Variants in BARD1 observed in about 807,000 individuals in gnomAD.
The protein encoded by BARD1 is BRCA1-associated RING domain protein 1.
BARD1 carries 73 observed loss-of-function variants against 77.0 expected under a neutral mutation model. The observed-to-expected ratio is 0.95, with a 90% CI of 0.79 to 1.15. The LOEUF (loss-of-function observed/expected upper bound fraction) is 1.15, where lower values mean the gene tolerates loss of function less well. Ranked by LOEUF, BARD1 falls within the 50% of genes most tolerant of loss-of-function variation. The pLI is 0.00. For synonymous variants in BARD1, 384 were observed against 338.0 expected (o/e 1.14, Z -1.49); for missense variants, 993 against 938.8 (o/e 1.06, Z -0.75).
At chr2:214,733,734 T>C (rs1174913292) in intron 9 of BARD1, among the ~76,000 whole-genome samples, 1 of 152,126 alleles carries the variant, frequency 6.6e-6, no homozygotes, top group African/African-American at 2.4e-5. Flanking sequence ...CAATCCACTA[T>C]CAAATTTAAT....
At chr2:214,732,524 T>C (rs908786891) in intron 9 of BARD1, among the ~76,000 whole-genome samples, 1 of 152,074 alleles carries the variant, frequency 6.6e-6, no homozygotes, top group Non-Finnish European at 1.5e-5. Flanking sequence ...GCCTCCCAAG[T>C]AGCTGGGACT....
chr2:214,739,016 G>C (rs895485549), intron 9 of BARD1, among the ~76,000 whole-genome samples: 2 of 152,086 alleles, frequency 1.3e-5, no homozygotes, highest in Admixed American at 6.5e-5. Flanking sequence ...AGGCATGGTG[G>C]TGAGTGCCTG....
chr2:214,774,170 C>A (rs1694640873), intron 4 of BARD1, among the ~76,000 whole-genome samples: 1 of 152,164 alleles, frequency 6.6e-6, no homozygotes, highest in Non-Finnish European at 1.5e-5. Context: ...TTACTTTCTC[C>A]ACTTAAGTTC....
At chr2:214,773,586 T>C (rs1472572730) in intron 4 of BARD1, among the ~76,000 whole-genome samples, 7 of 152,194 alleles carry the variant, frequency 4.6e-5, no homozygotes, top group Non-Finnish European at 7.3e-5. Context: ...ATAAAAGTTA[T>C]ATGTGCACTA....
intron 4 of BARD1, among the ~76,000 whole-genome samples, chr2:214,772,460 AT>A (rs1172125882): frequency 2.0e-5 from 3 of 152,334 alleles, no homozygotes; most frequent in South Asian, 2.1e-4. Flanking sequence ...CAAAAAAAAA[AT>A]ATTAAAGAAG....
intron 1 of BARD1, among the ~76,000 whole-genome samples, chr2:214,806,876 GAAAA>G (rs10636746): frequency 7.5e-6 from 1 of 133,618 alleles, no homozygotes; most frequent in Non-Finnish European, 1.5e-5. Context: ...TTTGCCTAGG[GAAAA>G]AAAAAAAAAA....
intron 4 of BARD1, among the ~76,000 whole-genome samples, chr2:214,771,259 G>A (rs376883660): frequency 6.6e-4 from 101 of 152,164 alleles, no homozygotes; most frequent in African/African-American, 2.4e-3. Context: ...ATAGACAGAA[G>A]TTACATGCAT....
At chr2:214,743,664 A>G (rs1692952677) in intron 9 of BARD1, among the ~76,000 whole-genome samples, 1 of 151,088 alleles carries the variant, frequency 6.6e-6, no homozygotes, top group African/African-American at 2.4e-5. Context: ...GCTCACTGCA[A>G]CCTCCACCTC....
In BARD1 at chr2:214,726,365, A is replaced by ATGAGAATGT; in HGVS notation, c.*2310_*2311insACATTCTCA. 4.9e-6 allele frequency: 1 copy of ATGAGAATGT among 205,876 alleles called. No individual in the cohort carries two copies. The highest frequency in any genetic ancestry group is 9.9e-6 in the Non-Finnish European group (1 of 100,668). 12.8% of individuals were successfully genotyped at this position (205,876 alleles called of 1,614,324 possible). On this transcript the variant is annotated 3_prime_UTR_variant, in exon 11 of 11. Transcript: ENST00000260947. ...GCCATGAGAATGTGGAAAAGCTACCAGCCTCTCACTTTTAGAGACACAAAG... is the reference window on the plus strand; with the variant it reads ...GCCATGAGAATGTGGAAAAGCTACCATGAGAATGTGCCTCTCACTTTTAGAGACACAAAG...
chr2:214,758,754 A>AT (rs1213855561), intron 6 of BARD1, among the ~76,000 whole-genome samples: 1 of 152,242 alleles, frequency 6.6e-6, no homozygotes, highest in African/African-American at 2.4e-5. Flanking sequence ...CAAAGGCCAC[A>AT]TTCAGGATGC....
At position 214,789,851 on chromosome 2, in the gene BARD1, G is replaced by A. The variant is rs80307708; in HGVS notation, c.364+2446C>T. Reference sequence around the variant, plus strand: ...GTTTAATATAAGTAACGTTGAGGGCGCAGTGCTTAAGTCTGGTAAGGACTA... The same window carrying A: ...GTTTAATATAAGTAACGTTGAGGGCACAGTGCTTAAGTCTGGTAAGGACTA... On this transcript the variant is annotated intron_variant, in intron 3 of 10. Coordinates refer to ENST00000260947, the MANE Select transcript of BARD1 (RefSeq NM_000465.4). 8.9e-3 allele frequency among the ~76,000 whole-genome samples: 1,355 copies of A among 152,104 alleles called. 8 individuals are homozygous for A. The highest frequency in any genetic ancestry group is 0.075 in the Middle Eastern group (22 of 294).
intron 9 of BARD1, among the ~76,000 whole-genome samples, chr2:214,736,823 GT>G (rs2106001884): frequency 6.6e-6 from 1 of 152,194 alleles, no homozygotes; most frequent in South Asian, 2.1e-4. Context: ...TATGTAGTAA[GT>G]TTCTGTAAAG....
rs1574703626 is a variant in BARD1, at chr2:214,728,940, G to T, written c.2070C>A (p.Asn690Lys). Reference sequence around the variant, plus strand: ...CACCTGCAGTGACGAGCTTAATAAGGTTGTCCTTTGGATGGTGTTTGAAGG... The same window carrying T: ...CACCTGCAGTGACGAGCTTAATAAGTTTGTCCTTTGGATGGTGTTTGAAGG... The part of the protein sequence containing the change: ...WGTFKHHPKD[N>K]LIKLVTAGGG... The change falls in exon 11 of 11, where the codon AAC becomes AAA. Residue 690 changes from asparagine (N) to lysine (K), a missense_variant. Transcript: ENST00000260947. 1 of 1,614,158 alleles carries T rather than the reference G, an allele frequency of 6.2e-7. No individual in the cohort carries two copies. The highest frequency in any genetic ancestry group is 8.5e-7 in the Non-Finnish European group (1 of 1,180,022).
chr2:214,786,039 C>T (rs1695260740), intron 3 of BARD1, among the ~76,000 whole-genome samples: 1 of 151,984 alleles, frequency 6.6e-6, no homozygotes, highest in African/African-American at 2.4e-5. Context: ...ACTTTACCTA[C>T]ATTACAGAAC....
chr2:214,747,784 C>CAACAT (rs1053893386), intron 7 of BARD1, among the ~76,000 whole-genome samples: 6 of 149,890 alleles, frequency 4.0e-5, no homozygotes, highest in African/African-American at 1.2e-4. Context: ...TGCAGCACAC[C>CAACAT]AACATGACAC....
At chr2:214,730,554 A>G (rs1692311390) in intron 9 of BARD1, 46 bp from the exon 10 acceptor site, 2 of 1,445,738 alleles carry the variant, frequency 1.4e-6, no homozygotes, top group South Asian at 2.3e-5. Flanking sequence ...TCAAGTGAGC[A>G]CTATATCTCT....
intron 10 of BARD1, 107 bp from the exon 11 acceptor site, chr2:214,729,115 G>T: frequency 7.8e-7 from 1 of 1,289,534 alleles, no homozygotes; most frequent in Non-Finnish European, 1.1e-6. Context: ...TCCCTTACCT[G>T]AAACATTTGG....
At chr2:214,768,351 T>C (rs1694313473) in intron 5 of BARD1, among the ~76,000 whole-genome samples, 1 of 152,242 alleles carries the variant, frequency 6.6e-6, no homozygotes, top group African/African-American at 2.4e-5. Flanking sequence ...TGTAGGTCTA[T>C]TTTTAGGAGA....
chr2:214,758,036 A>G (rs1302518971), intron 6 of BARD1, among the ~76,000 whole-genome samples: 1 of 152,206 alleles, frequency 6.6e-6, no homozygotes, highest in Non-Finnish European at 1.5e-5. Flanking sequence ...GTCAGATTAT[A>G]TAAGAACAAA....
Sources: allele counts gnomAD v4.1 joint callset (sites outside exome capture counted in the v4.1 genomes callset), GRCh38; gene constraint gnomAD v4.1.1; transcripts MANE v1.5; gene names NCBI Gene and HGNC (gene_info 2026-07-23, HGNC 2026-07-21).